The following ANKRD30A variants were observed in gnomAD, a reference collection of about 807,000 sequenced individuals.
The protein encoded by ANKRD30A is ankyrin repeat domain 30A.
ANKRD30A carries 170 observed loss-of-function variants against 166.3 expected under a neutral mutation model. The ratio of observed to expected loss-of-function variants is 1.02; its 90% CI spans 0.90 to 1.16. The LOEUF is 1.16. Among genes scored for constraint, ANKRD30A ranks in the 50% most tolerant of loss-of-function variants. The pLI, the probability that ANKRD30A is intolerant of heterozygous loss-of-function variation, is 0.00. For missense variants in ANKRD30A, 1,630 were observed against 1,518.0 expected (o/e 1.07, Z -1.23); for synonymous variants, 564 against 508.9 (o/e 1.11, Z -1.46).
chr10:37,251,391 G>T, the ANKRD30A span, among the ~76,000 whole-genome samples: 1 of 152,094 alleles, frequency 6.6e-6, no homozygotes, highest in Non-Finnish European at 1.5e-5. Flanking sequence ...GCACCAATTC[G>T]AAATTTGAGA....
Position 37,217,738 on chromosome 10 carries a change from A to C in ANKRD30A, c.3127A>C (p.Ile1043Leu), listed in dbSNP as rs367643592. 5.0e-6 allele frequency: 8 copies of C among 1,594,286 alleles called. No homozygotes were observed. Among genetic ancestry groups the C allele is most frequent in the Admixed American group, 1.8e-5 (1 of 56,888 alleles). The change falls in exon 33 of 36, where the codon ATA (isoleucine) becomes CTA (leucine). Residue 1043 changes from isoleucine to leucine, a missense_variant. By Grantham distance (5) the Ile-to-Leu change is conservative. Around this residue, in one of 4 missense-constraint regions of ANKRD30A, gnomAD observed 712 missense variants for 629.3 expected, o/e 1.13. Transcript: ENST00000361713. ...QEEEKRRNAD[I>L]LNEKIREELG... ...AGAAGAGAAGAGAAGAAATGCCGAT[A>C]TATTAAATGAAAAAATTAGGGAAGA...
At chr10:37,208,936 C>T (rs891657983) in intron 31 of ANKRD30A, among the ~76,000 whole-genome samples, 5 of 152,262 alleles carry the variant, frequency 3.3e-5, no homozygotes, top group African/African-American at 1.2e-4. Flanking sequence ...TCTATCTATA[C>T]ATAATTTTGT....
intron 34 of ANKRD30A, among the ~76,000 whole-genome samples, chr10:37,230,728 C>A (rs554577718): frequency 6.6e-6 from 1 of 151,986 alleles, no homozygotes; most frequent in Non-Finnish European, 1.5e-5. Flanking sequence ...TGAGAAAACA[C>A]CCTGTATAGT....
the ANKRD30A span, among the ~76,000 whole-genome samples, chr10:37,258,712 C>G: frequency 6.7e-6 from 1 of 150,258 alleles, no homozygotes; most frequent in Non-Finnish European, 1.5e-5. Flanking sequence ...GCCTGGAATC[C>G]CAGCACTTTG....
intron 6 of ANKRD30A, among the ~76,000 whole-genome samples, chr10:37,141,469 CTGAGGTAGGAGAATCGCT>C (rs896366462): frequency 6.8e-6 from 1 of 147,478 alleles, no homozygotes; most frequent in Non-Finnish European, 1.5e-5. Flanking sequence ...ACTTGGGAGA[CTGAGGTAGGAGAATCGCT>C]TGAGGTAGGA....
chr10:37,158,271 T>C (rs1448118589), intron 13 of ANKRD30A, 121 bp from the exon 14 acceptor site: 16 of 1,421,226 alleles, frequency 1.1e-5, no homozygotes, highest in Non-Finnish European at 1.4e-5. Flanking sequence ...CCCCAAAACA[T>C]AGTGTAATCC....
chr10:37,192,254 G>T (rs1320806425), intron 25 of ANKRD30A, among the ~76,000 whole-genome samples: 1 of 151,868 alleles, frequency 6.6e-6, no homozygotes, highest in Non-Finnish European at 1.5e-5. Flanking sequence ...ATTTTGGCCA[G>T]GCTGGTTTGG....
At chr10:37,197,824 G>A (rs541156244) in intron 29 of ANKRD30A, among the ~76,000 whole-genome samples, 3 of 151,762 alleles carry the variant, frequency 2.0e-5, no homozygotes, top group Non-Finnish European at 4.4e-5. Flanking sequence ...CAAATTCCAC[G>A]GTTTATTTCG....
chr10:37,126,924 G>A (rs1466007286), intron 1 of ANKRD30A, among the ~76,000 whole-genome samples: 1 of 151,618 alleles, frequency 6.6e-6, no homozygotes, highest in African/African-American at 2.4e-5. Context: ...TCGGGTGCCT[G>A]TAATCCCAGC....
At chr10:37,182,917 A>G (rs1377380269) in intron 24 of ANKRD30A, among the ~76,000 whole-genome samples, 3 of 151,280 alleles carry the variant, frequency 2.0e-5, no homozygotes, top group Admixed American at 2.0e-4. Flanking sequence ...TTTTCAATAA[A>G]TAGTTGTACA....
chr10:37,158,722 A>G, intron 15 of ANKRD30A, 136 bp downstream of exon 15: 1 of 1,330,992 alleles, frequency 7.5e-7, no homozygotes, highest in Non-Finnish European at 1.0e-6. Context: ...TGCCAATGTG[A>G]GTATTTCTGT....
chr10:37,136,324 T>C (rs1440095741), intron 5 of ANKRD30A, among the ~76,000 whole-genome samples: 1 of 152,194 alleles, frequency 6.6e-6, no homozygotes, highest in Non-Finnish European at 1.5e-5. Flanking sequence ...TAGGACTTTT[T>C]CTGAGTTAGG....
chr10:37,228,887 A>AT (rs1843283684), intron 34 of ANKRD30A, among the ~76,000 whole-genome samples: 1 of 151,962 alleles, frequency 6.6e-6, no homozygotes, highest in South Asian at 2.1e-4. Flanking sequence ...TTTCCTAACA[A>AT]TTGCCCACAA....
the ANKRD30A span, among the ~76,000 whole-genome samples, chr10:37,245,336 G>T: frequency 1.3e-5 from 2 of 151,890 alleles, no homozygotes; most frequent in Non-Finnish European, 2.9e-5. Flanking sequence ...CTGAATATTT[G>T]ATCTGTACAA....
At chr10:37,203,712 G>A (rs1269781330) in intron 31 of ANKRD30A, among the ~76,000 whole-genome samples, 2 of 152,198 alleles carry the variant, frequency 1.3e-5, no homozygotes, top group Non-Finnish European at 2.9e-5. Flanking sequence ...GTTTGCAGAT[G>A]ACATGATTGT....
chr10:37,237,170 G>A (rs1311690905), downstream of ANKRD30A, among the ~76,000 whole-genome samples: 2 of 152,122 alleles, frequency 1.3e-5, no homozygotes, highest in Admixed American at 6.5e-5. Flanking sequence ...GGAAATCACT[G>A]GCATCAAATG....
intron 15 of ANKRD30A, among the ~76,000 whole-genome samples, chr10:37,161,582 A>C (rs1339267001): frequency 6.6e-6 from 1 of 152,180 alleles, no homozygotes; most frequent in Non-Finnish European, 1.5e-5. Context: ...AACTCACTTC[A>C]GTTGCATTTA....
intron 12 of ANKRD30A, 131 bp from the exon 13 acceptor site, chr10:37,153,441 C>A (rs1838112720): frequency 4.4e-6 from 6 of 1,356,040 alleles, no homozygotes; most frequent in Non-Finnish European, 6.0e-6. Flanking sequence ...CTATATGTAT[C>A]TGCACTTAAG....
At chr10:37,171,928 T>C (rs1365181077) in intron 21 of ANKRD30A, among the ~76,000 whole-genome samples, 5 of 143,988 alleles carry the variant, frequency 3.5e-5, no homozygotes, top group South Asian at 4.4e-4. Context: ...CAGAAGATAT[T>C]GATGCCTTGA....
Sources: allele counts gnomAD v4.1 joint callset (sites outside exome capture counted in the v4.1 genomes callset), GRCh38; gene constraint gnomAD v4.1.1; regional missense constraint gnomAD v4.1.1; transcripts MANE v1.5; gene names NCBI Gene and HGNC (gene_info 2026-07-23, HGNC 2026-07-21).